The following PHACTR3 variants were observed in gnomAD, a reference collection of about 807,000 sequenced individuals.
PHACTR3 encodes the protein phosphatase and actin regulator 3, also known as protein phosphatase 1, regulatory subunit 123.
PHACTR3 carries 16 observed loss-of-function variants against 66.8 expected under a neutral mutation model. The observed-to-expected ratio is 0.24, with a 90% CI of 0.16 to 0.36. PHACTR3 has a LOEUF of 0.36. Among genes scored for constraint, PHACTR3 ranks in the 10% least tolerant of loss-of-function variants. The pLI, the probability that PHACTR3 is intolerant of heterozygous loss-of-function variation, is 1.00. For synonymous variants in PHACTR3, 323 were observed against 292.1 expected (o/e 1.11, Z -1.08); for missense variants, 647 against 719.9 (o/e 0.90, Z 1.16).
At chr20:59,652,987 A>G (rs1471885500) in intron 1 of PHACTR3, among the ~76,000 whole-genome samples, 1 of 152,204 alleles carries the variant, frequency 6.6e-6, no homozygotes, top group Non-Finnish European at 1.5e-5. Context: ...CCTATAGTGG[A>G]GGAAGTAACA....
intron 1 of PHACTR3, among the ~76,000 whole-genome samples, chr20:59,657,071 A>G (rs1036706449): frequency 4.6e-5 from 7 of 152,044 alleles, no homozygotes; most frequent in African/African-American, 1.7e-4. Context: ...GTGCTCATTT[A>G]CAGAGTCTGT....
chr20:59,756,324 C>T (rs762630066), intron 4 of PHACTR3, among the ~76,000 whole-genome samples: 9 of 152,308 alleles, frequency 5.9e-5, no homozygotes, highest in Non-Finnish European at 8.8e-5. Flanking sequence ...CGCGTCTCTC[C>T]GTGAGTGTGG....
chr20:59,754,863 T>A (rs1330965045), intron 3 of PHACTR3, among the ~76,000 whole-genome samples: 1 of 151,838 alleles, frequency 6.6e-6, no homozygotes, highest in Non-Finnish European at 1.5e-5. Context: ...GGGGTCAGAG[T>A]GGGGCTACTG....
intron 1 of PHACTR3, among the ~76,000 whole-genome samples, chr20:59,644,527 G>A (rs1337035841): frequency 3.3e-5 from 5 of 152,190 alleles, no homozygotes; most frequent in African/African-American, 4.8e-5. Context: ...TCCCAGCTGG[G>A]ACTCCAGGGT....
chr20:59,735,993 G>T (rs894975519), intron 1 of PHACTR3, among the ~76,000 whole-genome samples: 1 of 152,096 alleles, frequency 6.6e-6, no homozygotes, highest in Non-Finnish European at 1.5e-5. Context: ...GGGGGAAAGG[G>T]ATGGAGTTAG....
chr20:59,836,633 C>T, intron 9 of PHACTR3, 73 bp downstream of exon 9: 2 of 1,457,352 alleles, frequency 1.4e-6, no homozygotes, highest in South Asian at 2.5e-5. Context: ...CCTGAGTTCC[C>T]ATAACCCAGC....
intron 10 of PHACTR3, 50 bp from the exon 11 acceptor site, chr20:59,841,345 A>T: frequency 6.4e-7 from 1 of 1,565,370 alleles, no homozygotes; most frequent in African/African-American, 1.4e-5. Context: ...AGTACTTCAA[A>T]AAAGCTAGTT....
chr20:59,676,117 G>C (rs1413920011), intron 1 of PHACTR3, among the ~76,000 whole-genome samples: 1 of 152,228 alleles, frequency 6.6e-6, no homozygotes, highest in South Asian at 2.1e-4. Flanking sequence ...GCATGGCCAA[G>C]GTCCCCTCTG....
At chr20:59,624,964 A>G (rs6027007) in intron 1 of PHACTR3, among the ~76,000 whole-genome samples, 1,572 of 152,122 alleles carry the variant, frequency 0.01, 29 homozygotes, top group African/African-American at 0.035. Context: ...CCATCCCAGG[A>G]TGCCATCCAG....
intron 12 of PHACTR3, among the ~76,000 whole-genome samples, chr20:59,846,574 G>A (rs933611531): frequency 1.3e-4 from 20 of 151,942 alleles, no homozygotes; most frequent in African/African-American, 3.4e-4. Flanking sequence ...TACATTTTCC[G>A]ATTATACATT....
intron 1 of PHACTR3, among the ~76,000 whole-genome samples, chr20:59,679,032 C>T (rs2036553793): frequency 6.6e-6 from 1 of 152,138 alleles, no homozygotes; most frequent in Admixed American, 6.5e-5. Context: ...CAGCACTGCA[C>T]TTTGAATCAC....
chr20:59,820,079 G>A lies in PHACTR3; in HGVS notation c.1328+13885G>A, dbSNP rs577575385. On this transcript the variant is annotated intron_variant, in intron 8 of 12. Transcript: ENST00000371015. The surrounding 1 kb of genome is among the most constrained non-coding windows in gnomAD (Gnocchi z 4.6). ...TCTTTGTTTAGAAATCTCAGGGCAA[G>A]TGGAGATCAGGTCTGTTCTGCACAG... 6.6e-6 allele frequency among the ~76,000 whole-genome samples: 1 copy of A among 152,330 alleles called. No individual in the cohort carries two copies. The highest frequency in any genetic ancestry group is 1.9e-4 in the East Asian group (1 of 5,182).
At chr20:59,747,329 G>A (rs896696922) in intron 2 of PHACTR3, among the ~76,000 whole-genome samples, 3 of 152,206 alleles carry the variant, frequency 2.0e-5, no homozygotes, top group Non-Finnish European at 4.4e-5. Context: ...TGTTAAGAGC[G>A]GCCAGGAGGC....
chr20:59,800,411 T>C (rs553146189), intron 7 of PHACTR3, among the ~76,000 whole-genome samples: 1 of 152,182 alleles, frequency 6.6e-6, no homozygotes, highest in African/African-American at 2.4e-5. Flanking sequence ...TTTTGAAAGA[T>C]AGTTTTTCCA....
chr20:59,836,673 C>A, intron 9 of PHACTR3, 113 bp downstream of exon 9: 1 of 986,648 alleles, frequency 1.0e-6, no homozygotes, highest in Non-Finnish European at 1.5e-6. Flanking sequence ...GCTCCATGCT[C>A]CCAGTAAACC....
intron 1 of PHACTR3, among the ~76,000 whole-genome samples, chr20:59,593,388 A>G (rs1364814351): frequency 6.6e-6 from 1 of 152,096 alleles, no homozygotes; most frequent in Admixed American, 6.5e-5. Context: ...AGTTCTCTGT[A>G]TATTTTGGAT....
chr20:59,803,047 A>C (rs1166347984), intron 7 of PHACTR3, among the ~76,000 whole-genome samples: 1 of 152,180 alleles, frequency 6.6e-6, no homozygotes, highest in Admixed American at 6.5e-5. Flanking sequence ...GTGGTGTTTC[A>C]GGGAACACAA....
chr20:59,767,271 T>G lies in PHACTR3; in HGVS notation c.627T>G (p.Ala209=), dbSNP rs757930829. 6.2e-7 allele frequency: 1 copy of G among 1,614,226 alleles called. No individual in the cohort carries two copies. Among genetic ancestry groups the G allele is most frequent in the East Asian group, 2.2e-5 (1 of 44,878 alleles). Residue 209 remains alanine (A), a synonymous_variant, in exon 5 of 13, where the codon GCT becomes GCG. Coordinates refer to ENST00000371015, the MANE Select transcript of PHACTR3 (RefSeq NM_080672.5). The part of the protein sequence containing the change: ...PTTNELSQAL[A]GADSLDSPPR... ...CCAATGAGCTCTCCCAAGCCTTAGCTGGGGCTGACTCCCTGGACAGTCCTC... is the reference window on the plus strand; with the variant it reads ...CCAATGAGCTCTCCCAAGCCTTAGCGGGGGCTGACTCCCTGGACAGTCCTC...
At chr20:59,732,398 T>C (rs143080921) in intron 1 of PHACTR3, among the ~76,000 whole-genome samples, 1 of 152,294 alleles carries the variant, frequency 6.6e-6, no homozygotes, top group Non-Finnish European at 1.5e-5. Flanking sequence ...TTGCCTGGAA[T>C]GAACATGCAG....
Sources: allele counts gnomAD v4.1 joint callset (sites outside exome capture counted in the v4.1 genomes callset), GRCh38; gene constraint gnomAD v4.1.1; non-coding constraint Gnocchi (gnomAD v3.1); transcripts MANE v1.5; gene names NCBI Gene and HGNC (gene_info 2026-07-23, HGNC 2026-07-21).